The following CDK8 variants were observed in gnomAD, a reference collection of about 807,000 sequenced individuals.
CDK8 encodes cyclin-dependent kinase 8.
A neutral mutation model predicts 71.5 loss-of-function variants in CDK8; 29 were observed. The ratio of observed to expected loss-of-function variants is 0.41; its 90% CI spans 0.30 to 0.55. CDK8 has a LOEUF of 0.55. Among genes scored for constraint, CDK8 ranks in the 20% least tolerant of loss-of-function variants. The probability of loss-of-function intolerance (pLI) is 0.37; values close to 1 mark genes in which losing one functional copy is unlikely to be tolerated. For missense variants in CDK8, 288 were observed against 572.6 expected (o/e 0.50, Z 5.07); for synonymous variants, 161 against 192.1 (o/e 0.84, Z 1.34).
At chr13:26,393,225 A>G (rs1593310184) in intron 6 of CDK8, 142 bp from the exon 7 acceptor site, 1 of 576,466 alleles carries the variant, frequency 1.7e-6, no homozygotes, top group East Asian at 2.9e-5. Flanking sequence ...AATATGAGTT[A>G]TTAGGGAAAG....
chr13:26,314,161 A>G (rs1874408255), intron 1 of CDK8, among the ~76,000 whole-genome samples: 1 of 152,202 alleles, frequency 6.6e-6, no homozygotes, highest in Admixed American at 6.5e-5. Flanking sequence ...GATGGCCATC[A>G]TTTTAACCTC....
intron 1 of CDK8, among the ~76,000 whole-genome samples, chr13:26,334,119 C>T (rs1872873667): frequency 6.6e-6 from 1 of 152,008 alleles, no homozygotes; most frequent in Non-Finnish European, 1.5e-5. Flanking sequence ...AAGTAAAAAA[C>T]ATATATTACT....
chr13:26,368,404 T>C (rs1052340234), intron 4 of CDK8, among the ~76,000 whole-genome samples: 12 of 152,232 alleles, frequency 7.9e-5, no homozygotes, highest in Non-Finnish European at 1.2e-4. Flanking sequence ...GAGACTGATA[T>C]ATTCAAAATC....
chr13:26,379,418 C>T (rs1875110941), intron 4 of CDK8, among the ~76,000 whole-genome samples: 1 of 152,130 alleles, frequency 6.6e-6, no homozygotes, highest in Non-Finnish European at 1.5e-5. Context: ...TATTTATCCC[C>T]CCACCAGTGG....
intron 1 of CDK8, among the ~76,000 whole-genome samples, chr13:26,263,479 T>G (rs1871874059): frequency 6.6e-6 from 1 of 150,982 alleles, no homozygotes; most frequent in Non-Finnish European, 1.5e-5. Context: ...TTTGCTCTTG[T>G]TGCCCACGCT....
At chr13:26,269,305 A>G (rs1872184497) in intron 1 of CDK8, among the ~76,000 whole-genome samples, 1 of 152,202 alleles carries the variant, frequency 6.6e-6, no homozygotes, top group African/African-American at 2.4e-5. Context: ...ATACACATAT[A>G]TTTTTATCTT....
intron 4 of CDK8, among the ~76,000 whole-genome samples, chr13:26,359,360 C>T (rs150706594): frequency 2.2e-3 from 341 of 152,128 alleles, no homozygotes; most frequent in African/African-American, 2.5e-3. Context: ...TTTTATGTTA[C>T]GTGTATTTTA....
chr13:26,315,256 A>G (rs1366996231), intron 1 of CDK8, among the ~76,000 whole-genome samples: 3 of 152,220 alleles, frequency 2.0e-5, no homozygotes, highest in African/African-American at 7.2e-5. Context: ...GAATGATACA[A>G]ATGAAACTTG....
intron 9 of CDK8, 58 bp downstream of exon 9, chr13:26,397,283 A>G (rs1248081954): frequency 2.8e-6 from 3 of 1,074,192 alleles, no homozygotes; most frequent in African/African-American, 1.6e-5. Context: ...GACTAGCCCA[A>G]CTGAGGCTTT....
intron 1 of CDK8, among the ~76,000 whole-genome samples, chr13:26,258,043 C>T (rs963860711): frequency 2.6e-5 from 4 of 152,024 alleles, no homozygotes; most frequent in African/African-American, 9.7e-5. Context: ...GTTTCAGGTC[C>T]TGGGCAAAGC....
At chr13:26,397,643 C>T (rs1876058036) in intron 9 of CDK8, among the ~76,000 whole-genome samples, 1 of 151,992 alleles carries the variant, frequency 6.6e-6, no homozygotes, top group South Asian at 2.1e-4. Context: ...TCCAAAATAC[C>T]TCTTATAACC....
At chr13:26,335,227 T>A (rs1872926345) in intron 1 of CDK8, among the ~76,000 whole-genome samples, 1 of 152,216 alleles carries the variant, frequency 6.6e-6, no homozygotes, top group Admixed American at 6.5e-5. Context: ...CCTTCTGCAA[T>A]ATAGACCCTG....
chr13:26,326,726 A>C (rs1026792816), intron 1 of CDK8, among the ~76,000 whole-genome samples: 5 of 152,190 alleles, frequency 3.3e-5, no homozygotes, highest in Admixed American at 6.5e-5. Context: ...CTGCTGCATT[A>C]GTTGTTAACA....
chr13:26,342,163 T>A (rs568773891), intron 2 of CDK8, among the ~76,000 whole-genome samples: 1 of 152,226 alleles, frequency 6.6e-6, no homozygotes, highest in Non-Finnish European at 1.5e-5. Flanking sequence ...TCCGCCCACC[T>A]CAGCCTCCCA....
intron 1 of CDK8, among the ~76,000 whole-genome samples, chr13:26,309,140 G>T (rs1262677163): frequency 2.3e-5 from 2 of 85,226 alleles, no homozygotes. Context: ...TATGTATATA[G>T]ATTTTTTTTT....
At chr13:26,392,062 GT>G (rs1875769033) in intron 6 of CDK8, among the ~76,000 whole-genome samples, 1 of 152,144 alleles carries the variant, frequency 6.6e-6, no homozygotes, top group South Asian at 2.1e-4. Flanking sequence ...GGTTAAGTCA[GT>G]CAAAAACCAT....
chr13:26,378,811 C>A (rs1360254660), intron 4 of CDK8, among the ~76,000 whole-genome samples: 1 of 152,186 alleles, frequency 6.6e-6, no homozygotes, highest in Non-Finnish European at 1.5e-5. Flanking sequence ...AGCTTAAAAA[C>A]TGCTACCAAA....
intron 4 of CDK8, among the ~76,000 whole-genome samples, chr13:26,368,694 A>C (rs775016078): frequency 3.9e-5 from 6 of 152,222 alleles, no homozygotes; most frequent in African/African-American, 9.6e-5. Context: ...TTTAAGGAGA[A>C]TTCTTAAGTT....
rs188264088 is a variant in CDK8 at position 26,342,533 on chromosome 13, G to A, written c.204+4891G>A. On this transcript the variant is annotated intron_variant, in intron 2 of 12. Coordinates refer to ENST00000381527, the MANE Select transcript of CDK8 (RefSeq NM_001260.3). ...TTTGTAAAATGGGACAGTGCCTGGCGTGTAGTAGGCATTTAGTAAATGTTA... is the reference window on the plus strand; with the variant it reads ...TTTGTAAAATGGGACAGTGCCTGGCATGTAGTAGGCATTTAGTAAATGTTA... 3.2e-4 allele frequency among the ~76,000 whole-genome samples: 48 copies of A among 152,268 alleles called. 1 individual carries two copies. The South Asian group carries it at 4.1e-3, about 13-fold the overall frequency.
Sources: allele counts gnomAD v4.1 joint callset (sites outside exome capture counted in the v4.1 genomes callset), GRCh38; gene constraint gnomAD v4.1.1; transcripts MANE v1.5; gene names NCBI Gene and HGNC (gene_info 2026-07-23, HGNC 2026-07-21).